TENM3: variants seen among roughly 807,000 people sequenced by gnomAD.
TENM3 encodes the protein teneurin transmembrane protein 3.
A neutral mutation model predicts 255.1 loss-of-function variants in TENM3; 63 were observed. The ratio of observed to expected loss-of-function variants is 0.25; its 90% confidence interval spans 0.20 to 0.30. The LOEUF is 0.30. Among genes scored for constraint, TENM3 ranks in the 10% least tolerant of loss-of-function variants. The pLI is 1.00. For synonymous variants in TENM3, 1,306 were observed against 1,322.3 expected (o/e 0.99, Z 0.27); for missense variants, 2,929 against 3,461.1 (o/e 0.85, Z 3.86).
At chr4:181,604,263 T>TC in the TENM3 span, among the ~76,000 whole-genome samples, 2 of 151,748 alleles carry the variant, frequency 1.3e-5, no homozygotes, top group Non-Finnish European at 2.9e-5. Flanking sequence ...AGACTCCGTC[T>TC]AAAAAAAAGA....
intron 3 of TENM3, among the ~76,000 whole-genome samples, chr4:182,387,291 A>G (rs930669365): frequency 1.3e-5 from 2 of 152,202 alleles, no homozygotes; most frequent in Middle Eastern, 3.2e-3. Flanking sequence ...CTCTGTATCT[A>G]GCTGCTCTGG....
At chr4:182,528,776 A>G (rs922264947) in intron 3 of TENM3, among the ~76,000 whole-genome samples, 1 of 152,248 alleles carries the variant, frequency 6.6e-6, no homozygotes, top group African/African-American at 2.4e-5. Flanking sequence ...AGAGGCACTA[A>G]CAGTAGTAGC....
At chr4:182,106,993 T>C in the TENM3 span, among the ~76,000 whole-genome samples, 1 of 152,132 alleles carries the variant, frequency 6.6e-6, no homozygotes, top group African/African-American at 2.4e-5. Flanking sequence ...ATTTCCCTGC[T>C]TACCTCCCGT....
the TENM3 span, among the ~76,000 whole-genome samples, chr4:181,636,343 A>G: frequency 1.3e-5 from 2 of 152,144 alleles, no homozygotes; most frequent in African/African-American, 4.8e-5. Flanking sequence ...GCCCATGGCC[A>G]TTTCTTGCTC....
At chr4:182,526,081 G>A (rs534525414) in intron 3 of TENM3, among the ~76,000 whole-genome samples, 5 of 152,248 alleles carry the variant, frequency 3.3e-5, no homozygotes, top group East Asian at 1.9e-4. Flanking sequence ...GCAGGTTCAC[G>A]CCGTTCTCCT....
At chr4:182,706,754 G>C (rs1283151918) in intron 12 of TENM3, among the ~76,000 whole-genome samples, 1 of 152,090 alleles carries the variant, frequency 6.6e-6, no homozygotes, top group African/African-American at 2.4e-5. Flanking sequence ...CTTAGGTCAG[G>C]AGTTCAAGAC....
At chr4:182,733,040 T>G (rs112464245) in intron 16 of TENM3, among the ~76,000 whole-genome samples, 8,051 of 152,036 alleles carry the variant, frequency 0.053, 313 homozygotes, top group African/African-American at 0.12. Flanking sequence ...AACTCATGAG[T>G]GGAGAGAGGC....
At chr4:182,679,584 A>AAGAC (rs1299563484) in intron 7 of TENM3, 82 bp from the exon 8 acceptor site, 6 of 1,098,486 alleles carry the variant, frequency 5.5e-6, no homozygotes, top group Non-Finnish European at 7.9e-6. Flanking sequence ...AGAGCAAAGG[A>AAGAC]AGACAGATTG....
intron 1 of TENM3, among the ~76,000 whole-genome samples, chr4:182,145,491 G>A (rs1749896695): frequency 6.6e-6 from 1 of 152,206 alleles, no homozygotes; most frequent in South Asian, 2.1e-4. Flanking sequence ...TTAGGTTGAG[G>A]CGGGTTGTGT....
At chr4:181,463,098 C>T in the TENM3 span, among the ~76,000 whole-genome samples, 1 of 152,182 alleles carries the variant, frequency 6.6e-6, no homozygotes, top group Non-Finnish European at 1.5e-5. Context: ...CTCTACAAGA[C>T]CTTTATGGTC....
the TENM3 span, among the ~76,000 whole-genome samples, chr4:181,480,046 T>C: frequency 6.6e-6 from 1 of 152,166 alleles, no homozygotes; most frequent in African/African-American, 2.4e-5. Flanking sequence ...ATCATACAAA[T>C]AAAATTAATT....
rs1378297380 is a variant in TENM3 at position 182,672,911 on chromosome 4, G to GAAAAA, written c.1112-94_1112-93insAAAAA. On this transcript the variant is annotated intron_variant, in intron 6 of 27. Transcript: ENST00000511685. ...AGAAGATGAAATGGCTTGAGCATTT[G>GAAAAA]GTAAAAATAACTTTTTCAAAAAGTT... 7.7e-6 allele frequency: 7 copies of GAAAAA among 908,786 alleles called. No homozygotes were observed. In the African/African-American group the frequency reaches 1.0e-4, roughly 13 times the overall value. 56.3% of individuals were successfully genotyped at this position (908,786 alleles called of 1,614,324 possible). A position where few individuals can be genotyped will look rare whatever the true frequency, so the allele number is the denominator to read the frequency against.
intron 3 of TENM3, among the ~76,000 whole-genome samples, chr4:182,556,735 G>A (rs1580926529): frequency 6.6e-6 from 1 of 152,096 alleles, no homozygotes; most frequent in East Asian, 1.9e-4. Context: ...AGCAAACACT[G>A]AAATGACGAT....
At chr4:181,592,662 CTT>C in the TENM3 span, among the ~76,000 whole-genome samples, 71 of 129,958 alleles carry the variant, frequency 5.5e-4, no homozygotes, top group Admixed American at 5.5e-4. Flanking sequence ...GAAAATCTCT[CTT>C]TTTTTTTTTT....
the TENM3 span, among the ~76,000 whole-genome samples, chr4:182,017,382 A>G: frequency 6.6e-6 from 1 of 152,210 alleles, no homozygotes; most frequent in Non-Finnish European, 1.5e-5. Flanking sequence ...TTGTGTGCAT[A>G]ACAAAATGGA....
chr4:181,507,975 A>G, the TENM3 span, among the ~76,000 whole-genome samples: 1 of 152,198 alleles, frequency 6.6e-6, no homozygotes, highest in Admixed American at 6.5e-5. Context: ...AAAGAAATAG[A>G]TCTTTCTGAA....
At chr4:182,619,710 A>T (rs1326417209) in intron 4 of TENM3, among the ~76,000 whole-genome samples, 1 of 152,144 alleles carries the variant, frequency 6.6e-6, no homozygotes, top group South Asian at 2.1e-4. Flanking sequence ...GTGTTCGGTG[A>T]CCTTCTGCAC....
At chr4:182,078,383 G>T in the TENM3 span, among the ~76,000 whole-genome samples, 2 of 151,908 alleles carry the variant, frequency 1.3e-5, no homozygotes, top group African/African-American at 4.8e-5. Flanking sequence ...TTAGCCGGGC[G>T]TGGTGGTGTG....
chr4:182,241,628 G>A (rs1222217442), upstream of TENM3, among the ~76,000 whole-genome samples: 1 of 148,910 alleles, frequency 6.7e-6, no homozygotes, highest in East Asian at 2.0e-4. Flanking sequence ...TCCTGCCTCA[G>A]CCTCCTGAGT....
Sources: allele counts gnomAD v4.1 joint callset (sites outside exome capture counted in the v4.1 genomes callset), GRCh38; gene constraint gnomAD v4.1.1; transcripts MANE v1.5; gene names NCBI Gene and HGNC (gene_info 2026-07-23, HGNC 2026-07-21).